The following KSR2 variants were observed in gnomAD, a reference collection of about 807,000 sequenced individuals.
KSR2 encodes the protein kinase suppressor of ras 2.
KSR2 carries 25 observed loss-of-function variants against 107.8 expected under a neutral mutation model. The observed-to-expected ratio is 0.23, with a 90% CI of 0.17 to 0.32. The LOEUF (loss-of-function observed/expected upper bound fraction) is 0.32, where lower values mean the gene tolerates loss of function less well. Ranked by LOEUF, KSR2 falls within the 10% of genes least tolerant of loss-of-function variation. The pLI is 1.00. For synonymous variants in KSR2, 480 were observed against 507.0 expected (o/e 0.95, Z 0.71); for missense variants, 887 against 1,268.9 (o/e 0.70, Z 4.57).
intron 3 of KSR2, among the ~76,000 whole-genome samples, chr12:117,761,948 C>G (rs1211259599): frequency 6.6e-6 from 1 of 152,192 alleles, no homozygotes; most frequent in Non-Finnish European, 1.5e-5. Flanking sequence ...GACATTCTAT[C>G]AAATGCATGT....
chr12:117,483,226 C>T (rs1361936480), intron 16 of KSR2, among the ~76,000 whole-genome samples: 1 of 152,060 alleles, frequency 6.6e-6, no homozygotes. Context: ...GAAAAAGAAA[C>T]AAGCGCCTGT....
At chr12:117,695,394 T>A (rs1178639237) in intron 4 of KSR2, among the ~76,000 whole-genome samples, 1 of 152,184 alleles carries the variant, frequency 6.6e-6, no homozygotes, top group East Asian at 1.9e-4. Context: ...CTGTTATGTA[T>A]ATTTTGCTGC....
intron 1 of KSR2, among the ~76,000 whole-genome samples, chr12:117,961,541 A>G (rs1896655893): frequency 6.6e-6 from 1 of 151,862 alleles, no homozygotes; most frequent in Non-Finnish European, 1.5e-5. Flanking sequence ...CCAAATACCA[A>G]GACTCCTTGC....
intron 3 of KSR2, among the ~76,000 whole-genome samples, chr12:117,807,736 G>A (rs556637534): frequency 1.3e-5 from 2 of 152,360 alleles, no homozygotes; most frequent in East Asian, 3.9e-4. Flanking sequence ...CAAGGACTGA[G>A]AATGTGGTGG....
chr12:117,608,186 G>A (rs1881399104), intron 5 of KSR2, among the ~76,000 whole-genome samples: 1 of 152,202 alleles, frequency 6.6e-6, no homozygotes, highest in Non-Finnish European at 1.5e-5. Flanking sequence ...GTACAGCAGA[G>A]CCAAAAATAG....
At chr12:117,868,268 A>G (rs1480102355) in intron 1 of KSR2, among the ~76,000 whole-genome samples, 1 of 152,064 alleles carries the variant, frequency 6.6e-6, no homozygotes, top group Non-Finnish European at 1.5e-5. Flanking sequence ...TCTCTACTAA[A>G]TACAAAATTA....
Position 117,484,780 on chromosome 12 carries a change from CA to C in KSR2, c.2317-232del, listed in dbSNP as rs1872366812. ...CACAAATCCACTGCCACTCTTAGAC[CA>C]CAGAAAGGCCAGCCCCATTTGCTCA... On this transcript the variant is annotated intron_variant, in intron 15 of 19. Transcript: ENST00000339824. Among the ~76,000 whole-genome samples the C allele has an allele frequency of 5.3e-5, 8 of 152,262 alleles. No homozygotes were observed. In the South Asian group the frequency reaches 1.7e-3, roughly 32 times the overall value.
intron 5 of KSR2, among the ~76,000 whole-genome samples, chr12:117,612,375 G>A (rs1881652813): frequency 6.6e-6 from 1 of 150,920 alleles, no homozygotes; most frequent in African/African-American, 2.5e-5. Flanking sequence ...CTCCACTCCA[G>A]CCTGGCGACA....
chr12:117,647,161 AAG>A (rs1883685888), intron 5 of KSR2, among the ~76,000 whole-genome samples: 1 of 152,182 alleles, frequency 6.6e-6, no homozygotes, highest in South Asian at 2.1e-4. Context: ...GAAGAGAGTA[AAG>A]AGAGTAAACA....
intron 5 of KSR2, among the ~76,000 whole-genome samples, chr12:117,620,657 T>C (rs1882144750): frequency 6.6e-6 from 1 of 152,300 alleles, no homozygotes; most frequent in Non-Finnish European, 1.5e-5. Context: ...AGCTCCAATA[T>C]CAGCAGCAAA....
intron 1 of KSR2, among the ~76,000 whole-genome samples, chr12:117,917,196 T>C (rs924800653): frequency 6.6e-6 from 1 of 152,242 alleles, no homozygotes; most frequent in African/African-American, 2.4e-5. Context: ...CTTGTGTTGA[T>C]AGATATTTAA....
chr12:117,773,654 A>T (rs978773206), intron 3 of KSR2, among the ~76,000 whole-genome samples: 1 of 152,046 alleles, frequency 6.6e-6, no homozygotes, highest in Admixed American at 6.5e-5. Context: ...AATCCTCAAA[A>T]CTCTCTAGCA....
At chr12:117,621,898 C>T (rs748102002) in intron 5 of KSR2, among the ~76,000 whole-genome samples, 2 of 152,122 alleles carry the variant, frequency 1.3e-5, no homozygotes, top group Non-Finnish European at 2.9e-5. Context: ...TCCTACAGCT[C>T]CATGCTGTAG....
At chr12:117,830,859 T>C (rs1891936741) in intron 3 of KSR2, among the ~76,000 whole-genome samples, 1 of 152,208 alleles carries the variant, frequency 6.6e-6, no homozygotes, top group Admixed American at 6.5e-5. Flanking sequence ...ATTGATAAAG[T>C]CTGCCTACTG....
chr12:117,745,208 G>A (rs563792540), intron 4 of KSR2, among the ~76,000 whole-genome samples: 24 of 152,284 alleles, frequency 1.6e-4, no homozygotes, highest in African/African-American at 5.5e-4. Context: ...GATTCTCAGT[G>A]TAAATGAACT....
intron 1 of KSR2, among the ~76,000 whole-genome samples, chr12:117,952,770 G>A (rs994988964): frequency 6.6e-6 from 1 of 151,878 alleles, no homozygotes; most frequent in Admixed American, 6.6e-5. Flanking sequence ...GATCACCTGA[G>A]GTCAAGAGTT....
At chr12:117,789,403 C>T in intron 3 of KSR2, among the ~76,000 whole-genome samples, 1 of 152,208 alleles carries the variant, frequency 6.6e-6, no homozygotes, top group East Asian at 1.9e-4. Context: ...CACATACTTA[C>T]TTTTCCCCCA....
chr12:117,968,056 TTCC>T lies in KSR2; in HGVS notation c.180+17_180+19del. On this transcript the variant is annotated intron_variant, in intron 1 of 19. Transcript: ENST00000339824. ...TTTTTTTTTTTTTTTTTTTTTTTTT[TTCC>T]CGTAGGCAACACCTACCTCCAGGGT... 1.3e-6 allele frequency: 1 copy of T among 775,304 alleles called. No individual in the cohort carries two copies. Among genetic ancestry groups the T allele is most frequent in the Non-Finnish European group, 1.9e-6 (1 of 516,824 alleles). 48.0% of individuals were successfully genotyped at this position (775,304 alleles called of 1,614,324 possible).
intron 9 of KSR2, among the ~76,000 whole-genome samples, chr12:117,553,333 C>T (rs1164929872): frequency 6.6e-6 from 1 of 152,164 alleles, no homozygotes; most frequent in Non-Finnish European, 1.5e-5. Context: ...AGAGGAGGGA[C>T]CAAATTTTGC....
Sources: allele counts gnomAD v4.1 joint callset (sites outside exome capture counted in the v4.1 genomes callset), GRCh38; gene constraint gnomAD v4.1.1; transcripts MANE v1.5; gene names NCBI Gene and HGNC (gene_info 2026-07-23, HGNC 2026-07-21).